The following GRIP1 variants were observed in gnomAD, a reference collection of about 807,000 sequenced individuals.
GRIP1 encodes the protein glutamate receptor interacting protein 1.
GRIP1 carries 45 observed loss-of-function variants against 129.9 expected under a neutral mutation model. The ratio of observed to expected loss-of-function variants is 0.35; its 90% CI spans 0.27 to 0.44. The LOEUF is 0.44. GRIP1 is among the 20% of genes least tolerant of loss of function. GRIP1 has a pLI of 1.00. For synonymous variants in GRIP1, 530 were observed against 520.8 expected (o/e 1.02, Z -0.24); for missense variants, 1,196 against 1,396.8 (o/e 0.86, Z 2.29).
At chr12:66,953,864 A>G (rs2041798713) in intron 1 of GRIP1, among the ~76,000 whole-genome samples, 1 of 151,996 alleles carries the variant, frequency 6.6e-6, no homozygotes, top group African/African-American at 2.4e-5. Context: ...TCGATAACCT[A>G]AATAATAAGG....
intron 1 of GRIP1, among the ~76,000 whole-genome samples, chr12:66,629,593 G>A (rs2030514092): frequency 6.6e-6 from 1 of 152,156 alleles, no homozygotes; most frequent in East Asian, 1.9e-4. Context: ...GTCAATTTCT[G>A]GAAGGGACAC....
chr12:67,067,532 A>G (rs1278889848), intron 1 of GRIP1, among the ~76,000 whole-genome samples: 1 of 152,182 alleles, frequency 6.6e-6, no homozygotes, highest in East Asian at 1.9e-4. Context: ...AAGCATTCCT[A>G]AAGCAGGGGT....
chr12:66,680,634 AT>A (rs60921818), upstream of GRIP1, among the ~76,000 whole-genome samples: 1 of 151,986 alleles, frequency 6.6e-6, no homozygotes, highest in African/African-American at 2.4e-5. Context: ...CCTCCTTGAT[AT>A]TTTTTTGCTT....
At chr12:67,008,209 C>A (rs112156780) in intron 1 of GRIP1, among the ~76,000 whole-genome samples, 1 of 152,124 alleles carries the variant, frequency 6.6e-6, no homozygotes, top group African/African-American at 2.4e-5. Context: ...ACAGGAGATG[C>A]GAGGAAAAGG....
chr12:66,537,252 G>C (rs1184847710), intron 4 of GRIP1, among the ~76,000 whole-genome samples: 1 of 152,118 alleles, frequency 6.6e-6, no homozygotes, highest in Admixed American at 6.5e-5. Flanking sequence ...CTAAGACATA[G>C]AAAGTGTAAG....
intron 20 of GRIP1, among the ~76,000 whole-genome samples, chr12:66,377,638 CTTT>C (rs3045282): frequency 1.9e-4 from 24 of 124,568 alleles, no homozygotes; most frequent in Admixed American, 1.6e-4. Flanking sequence ...CGCACCCGGC[CTTT>C]TTTTTTTTTT....
chr12:66,881,793 G>A (rs914487479), intron 1 of GRIP1, among the ~76,000 whole-genome samples: 1 of 152,052 alleles, frequency 6.6e-6, no homozygotes, highest in Non-Finnish European at 1.5e-5. Flanking sequence ...GGAATAAAAA[G>A]ACACATAAAA....
chr12:66,984,293 G>A lies in GRIP1; in HGVS notation c.58+84757C>T, dbSNP rs113443617. 7.9e-4 allele frequency among the ~76,000 whole-genome samples: 121 copies of A among 152,236 alleles called. 1 individual carries two copies. Among genetic ancestry groups the A allele is most frequent in the Middle Eastern group, 6.8e-3 (2 of 294 alleles). Reference sequence around the variant, plus strand: ...AAAGACTCTCATCAGAGCATCTGACGAAGATAAATCTGGAACTAGTCTCAA... The same window carrying A: ...AAAGACTCTCATCAGAGCATCTGACAAAGATAAATCTGGAACTAGTCTCAA... On this transcript the variant is annotated intron_variant, in intron 1 of 1. Coordinates refer to the GRIP1 transcript ENST00000643019.
At chr12:66,402,378 C>A (rs777857244) in intron 16 of GRIP1, among the ~76,000 whole-genome samples, 8 of 152,170 alleles carry the variant, frequency 5.3e-5, no homozygotes, top group Non-Finnish European at 1.0e-4. Flanking sequence ...ACTTCATAGA[C>A]AATAAACGAA....
At chr12:66,805,262 C>T (rs1369029758), upstream of GRIP1, among the ~76,000 whole-genome samples, 1 of 152,120 alleles carries the variant, frequency 6.6e-6, no homozygotes, top group East Asian at 1.9e-4. Flanking sequence ...TGCTGTTCAT[C>T]CTTTATCTCT....
intron 1 of GRIP1, among the ~76,000 whole-genome samples, chr12:67,068,200 C>T (rs948664981): frequency 1.3e-5 from 2 of 152,186 alleles, no homozygotes; most frequent in African/African-American, 4.8e-5. Flanking sequence ...ATGACCTCAA[C>T]AGAACTAAGC....
rs17780478 is a variant in GRIP1 at position 66,910,827 on chromosome 12, G to A, written c.58+158223C>T. The stretch of plus-strand genomic sequence containing the variant: ...GGTGCTTCAAGGACTCAGAGGGTAC[G>A]TCCCTAGGCCATAGAATTCCACTTA... On this transcript the variant is annotated intron_variant, in intron 1 of 1. Coordinates refer to the GRIP1 transcript ENST00000643019. Among the ~76,000 whole-genome samples, 906 of 152,254 alleles carry A rather than the reference G, an allele frequency of 6.0e-3. 6 individuals carry two copies. The highest frequency in any genetic ancestry group is 9.0e-3 in the Non-Finnish European group (610 of 68,024).
At chr12:66,969,513 A>G (rs1303133399) in intron 1 of GRIP1, among the ~76,000 whole-genome samples, 1 of 151,832 alleles carries the variant, frequency 6.6e-6, no homozygotes, top group Non-Finnish European at 1.5e-5. Context: ...GATCCTCCCA[A>G]TCCTCCCACC....
At chr12:66,605,999 T>C (rs531180641) in intron 1 of GRIP1, among the ~76,000 whole-genome samples, 1 of 152,242 alleles carries the variant, frequency 6.6e-6, no homozygotes, top group South Asian at 2.1e-4. Flanking sequence ...GGTCATTGAT[T>C]TGACTGAGGA....
intron 1 of GRIP1, among the ~76,000 whole-genome samples, chr12:66,802,722 T>C (rs544807719): frequency 1.1e-4 from 16 of 152,322 alleles, no homozygotes; most frequent in South Asian, 2.1e-4. Flanking sequence ...AATTAAAAGT[T>C]CATAAGCTCC....
chr12:66,968,786 CT>C, intron 1 of GRIP1, among the ~76,000 whole-genome samples: 1 of 70,412 alleles, frequency 1.4e-5, no homozygotes, highest in Non-Finnish European at 2.4e-5. Context: ...AAAGATTTTA[CT>C]TTACCTTAAA....
intron 2 of GRIP1, among the ~76,000 whole-genome samples, chr12:66,554,941 C>A (rs1330650695): frequency 6.6e-6 from 1 of 152,212 alleles, no homozygotes; most frequent in Non-Finnish European, 1.5e-5. Context: ...AATGCCATCT[C>A]TGAACCCATC....
At chr12:66,451,372 T>G (rs1212426314) in intron 11 of GRIP1, among the ~76,000 whole-genome samples, 1 of 145,436 alleles carries the variant, frequency 6.9e-6, no homozygotes, top group Non-Finnish European at 1.5e-5. Context: ...AAAGATTTAT[T>G]ATTATAATCT....
chr12:66,990,093 A>G (rs2042371853), intron 1 of GRIP1, among the ~76,000 whole-genome samples: 1 of 152,230 alleles, frequency 6.6e-6, no homozygotes, highest in South Asian at 2.1e-4. Context: ...GTACATAAGA[A>G]GGATGAAGAA....
Sources: gnomAD v4.1 joint callset for allele counts (sites outside exome capture counted in the v4.1 genomes callset) on GRCh38, gnomAD v4.1.1 for gene constraint, MANE v1.5 for transcripts, NCBI Gene and HGNC (gene_info 2026-07-23, HGNC 2026-07-21) for gene names.